The following FAM163A variants were observed in gnomAD, a reference collection of about 807,000 sequenced individuals.
The protein encoded by FAM163A is family with sequence similarity 163 member A.
FAM163A carries 7 observed loss-of-function variants against 12.0 expected under a neutral mutation model. That is an observed-to-expected ratio of 0.58 (90% CI 0.33 to 1.10). The LOEUF (loss-of-function observed/expected upper bound fraction) is 1.10, where lower values mean the gene tolerates loss of function less well. Ranked by LOEUF, FAM163A falls within the 50% of genes least tolerant of loss-of-function variation. FAM163A has a pLI of 0.03. For missense variants in FAM163A, 202 were observed against 218.6 expected, an observed-to-expected ratio of 0.92 and a Z score of 0.48; for synonymous variants, 101 against 91.0, an observed-to-expected ratio of 1.11 and a Z score of -0.62.
intron 1 of FAM163A, among the ~76,000 whole-genome samples, chr1:179,781,055 G>A (rs958789056): frequency 2.0e-5 from 3 of 152,182 alleles, no homozygotes; most frequent in Non-Finnish European, 2.9e-5. Flanking sequence ...CCGTAGAGAC[G>A]AGGGGAGAAA....
At chr1:179,774,911 G>T (rs960175374) in intron 1 of FAM163A, among the ~76,000 whole-genome samples, 1 of 152,152 alleles carries the variant, frequency 6.6e-6, no homozygotes, top group Non-Finnish European at 1.5e-5. Flanking sequence ...TAGTGTTACC[G>T]GTAGCAGGTC....
At chr1:179,800,619 G>T (rs546990469) in intron 1 of FAM163A, among the ~76,000 whole-genome samples, 1 of 152,174 alleles carries the variant, frequency 6.6e-6, no homozygotes, top group Non-Finnish European at 1.5e-5. Flanking sequence ...TTTTCTCTCC[G>T]CGTCCCCTCC....
At chr1:179,787,413 C>T (rs529344571) in intron 1 of FAM163A, among the ~76,000 whole-genome samples, 5 of 152,304 alleles carry the variant, frequency 3.3e-5, no homozygotes, top group African/African-American at 1.2e-4. Flanking sequence ...CAGAAATGAA[C>T]AAGGCATAGC....
intron 1 of FAM163A, among the ~76,000 whole-genome samples, chr1:179,751,912 C>T (rs1259346943): frequency 6.6e-6 from 1 of 152,090 alleles, no homozygotes; most frequent in Non-Finnish European, 1.5e-5. Context: ...ACAATGCAAT[C>T]CCTATCAAAA....
At chr1:179,762,044 C>T (rs1395808073) in intron 1 of FAM163A, among the ~76,000 whole-genome samples, 38 of 152,100 alleles carry the variant, frequency 2.5e-4, no homozygotes, top group Admixed American at 2.5e-3. Context: ...TGCTGCTTAA[C>T]GGCCAGGAAT....
At chr1:179,746,187 G>A (rs992611726) in intron 1 of FAM163A, among the ~76,000 whole-genome samples, 41 of 152,186 alleles carry the variant, frequency 2.7e-4, no homozygotes, top group African/African-American at 9.4e-4. Flanking sequence ...CAACTTTGGA[G>A]GGCATTTTTG....
intron 1 of FAM163A, among the ~76,000 whole-genome samples, chr1:179,786,841 T>C (rs1482370731): frequency 3.3e-5 from 5 of 151,502 alleles, no homozygotes. Flanking sequence ...CATCCTTAAG[T>C]ATCTGTGTGT....
intron 2 of FAM163A, among the ~76,000 whole-genome samples, chr1:179,811,260 G>T (rs1242834826): frequency 2.0e-5 from 3 of 152,122 alleles, no homozygotes; most frequent in Admixed American, 2.0e-4. Context: ...ATGAAGGAAG[G>T]CTTAACAGCT....
At chr1:179,810,383 G>T (rs1022502952) in intron 2 of FAM163A, among the ~76,000 whole-genome samples, 3 of 152,140 alleles carry the variant, frequency 2.0e-5, no homozygotes, top group East Asian at 3.9e-4. Flanking sequence ...CAAAAGCCCC[G>T]TCAGGAAACC....
At chr1:179,741,620 A>G (rs1683652093), upstream of FAM163A, among the ~76,000 whole-genome samples, 1 of 152,256 alleles carries the variant, frequency 6.6e-6, no homozygotes, top group Non-Finnish European at 1.5e-5. Context: ...CTACAACTAC[A>G]TGCCACAAAA....
chr1:179,759,378 T>C (rs1686478378), intron 1 of FAM163A, among the ~76,000 whole-genome samples: 1 of 151,374 alleles, frequency 6.6e-6, no homozygotes, highest in South Asian at 2.1e-4. Context: ...ATAAAGATGC[T>C]CTGGAGAAAA....
chr1:179,757,294 G>A (rs1686160640), intron 1 of FAM163A, among the ~76,000 whole-genome samples: 1 of 152,198 alleles, frequency 6.6e-6, no homozygotes, highest in Non-Finnish European at 1.5e-5. Context: ...AGTACTAAGT[G>A]GAACGTGGTC....
At chr1:179,756,405 GAGAA>G (rs1686032848) in intron 1 of FAM163A, among the ~76,000 whole-genome samples, 1 of 152,226 alleles carries the variant, frequency 6.6e-6, no homozygotes, top group Admixed American at 6.5e-5. Context: ...TGTGAGGGGA[GAGAA>G]AGAGGACATG....
intron 1 of FAM163A, among the ~76,000 whole-genome samples, chr1:179,782,122 A>C (rs7528152): frequency 0.17 from 25,318 of 152,074 alleles, 2,262 homozygotes; most frequent in Non-Finnish European, 0.2. Flanking sequence ...CCTGGGGAAC[A>C]GGCGAAATGA....
rs1557940009 is a variant in FAM163A, at chr1:179,783,728, ATATAATTGAGCCCAAATAT to A, written c.-135-24065_-135-24047del. ...CACTTTTTTATACTTCCCAAATTTT[ATATAATTGAGCCCAAATAT>A]TATATATATATTATATAATTTATTA... is the stretch of plus-strand genomic sequence containing the variant. On this transcript the variant is annotated intron_variant, in intron 1 of 4. Transcript: ENST00000341785. Among the ~76,000 whole-genome samples, 120 of 72,784 alleles carry A rather than the reference ATATAATTGAGCCCAAATAT, an allele frequency of 1.6e-3. 1 individual carries two copies. The highest frequency in any genetic ancestry group is 9.7e-3 in the African/African-American group (109 of 11,290). The allele number at this position is 72,784 out of a possible 152,430, so 47.7% of individuals were successfully genotyped here.
At chr1:179,783,325 G>A (rs1332122575) in intron 1 of FAM163A, among the ~76,000 whole-genome samples, 1 of 152,122 alleles carries the variant, frequency 6.6e-6, no homozygotes, top group Non-Finnish European at 1.5e-5. Flanking sequence ...CATTTATTGG[G>A]TTTAATGACC....
intron 1 of FAM163A, among the ~76,000 whole-genome samples, chr1:179,756,635 G>A (rs1213474262): frequency 2.6e-5 from 4 of 152,198 alleles, no homozygotes; most frequent in African/African-American, 9.7e-5. Flanking sequence ...TGAAATTCAA[G>A]GAAGGTTGAA....
the FAM163A span, among the ~76,000 whole-genome samples, chr1:179,737,660 T>C: frequency 2.0e-5 from 3 of 151,950 alleles, no homozygotes; most frequent in Admixed American, 6.6e-5. Context: ...ACGGTGAAAC[T>C]CCGTCTCTAC....
chr1:179,748,292 T>C (rs1477846832), intron 1 of FAM163A, among the ~76,000 whole-genome samples: 1 of 152,206 alleles, frequency 6.6e-6, no homozygotes, highest in Non-Finnish European at 1.5e-5. Context: ...AGCTGCTTTT[T>C]CTTGTGCTGC....
Sources: gnomAD v4.1 joint callset for allele counts (sites outside exome capture counted in the v4.1 genomes callset) on GRCh38, gnomAD v4.1.1 for gene constraint, MANE v1.5 for transcripts, NCBI Gene and HGNC (gene_info 2026-07-23, HGNC 2026-07-21) for gene names.